MBD2: variants seen among roughly 807,000 people sequenced by gnomAD.
MBD2 encodes methyl-CpG binding domain protein 2, also known as methyl-CpG-binding domain protein 2.
Under a neutral mutation model 39.3 loss-of-function variants are expected in MBD2, and 9 were observed. The observed-to-expected ratio is 0.23, with a 90% CI of 0.14 to 0.40. The LOEUF (loss-of-function observed/expected upper bound fraction) is 0.40, where lower values mean the gene tolerates loss of function less well. Ranked by LOEUF, MBD2 falls within the 10% of genes least tolerant of loss-of-function variation. MBD2 has a pLI of 1.00. For missense variants in MBD2, 458 were observed against 532.6 expected, an observed-to-expected ratio of 0.86 and a Z score of 1.38; for synonymous variants, 233 against 211.1, an observed-to-expected ratio of 1.10 and a Z score of -0.90.
intron 2 of MBD2, among the ~76,000 whole-genome samples, chr18:54,195,941 C>T (rs2086362731): frequency 6.6e-6 from 1 of 152,150 alleles, no homozygotes; most frequent in African/African-American, 2.4e-5. Flanking sequence ...AGGCTATTCT[C>T]AAAAAGTAAT....
intron 1 of MBD2, among the ~76,000 whole-genome samples, chr18:54,215,867 T>G (rs2086555613): frequency 6.6e-6 from 1 of 150,776 alleles, no homozygotes; most frequent in Non-Finnish European, 1.5e-5. Context: ...AATGGTGCAA[T>G]CTCGGCTCAC....
chr18:54,188,896 C>T lies in MBD2; in HGVS notation c.818G>A (p.Arg273Gln). The change falls in exon 3 of 7, where the codon CGA becomes CAA. Residue 273 changes from arginine (R) to glutamine (Q), a missense_variant. Transcript: ENST00000256429. ...PSNKVKSDPQ[R>Q]MNEQPRQLFW... ...TACCTGACGTGGCTGTTCATTCATTCGTTGTGGGTCTGATTTCACTTTATT... is the reference window on the plus strand; with the variant it reads ...TACCTGACGTGGCTGTTCATTCATTTGTTGTGGGTCTGATTTCACTTTATT... The T allele has an allele frequency of 6.2e-7, 1 of 1,606,324 alleles. No individual in the cohort carries two copies. The highest frequency in any genetic ancestry group is 8.5e-7 in the Non-Finnish European group (1 of 1,175,200).
intron 5 of MBD2, among the ~76,000 whole-genome samples, chr18:54,160,650 T>TAA (rs574101659): frequency 1.5e-4 from 11 of 74,522 alleles, no homozygotes; most frequent in Middle Eastern, 7.9e-3. Context: ...CTTTAAAAAG[T>TAA]AAAAAAAAAA....
chr18:54,199,339 G>A (rs2086388927), intron 2 of MBD2, among the ~76,000 whole-genome samples: 1 of 152,066 alleles, frequency 6.6e-6, no homozygotes, highest in African/African-American at 2.4e-5. Flanking sequence ...TGTTTTCCAG[G>A]TTGTTGTAAC....
At chr18:54,216,554 T>C (rs1369448331) in intron 1 of MBD2, among the ~76,000 whole-genome samples, 2 of 152,184 alleles carry the variant, frequency 1.3e-5, no homozygotes, top group Admixed American at 6.5e-5. Flanking sequence ...CAACTATTTC[T>C]TAAAGCAAAT....
chr18:54,212,098 T>C (rs1039560982), intron 1 of MBD2, among the ~76,000 whole-genome samples: 11 of 152,192 alleles, frequency 7.2e-5, no homozygotes, highest in African/African-American at 2.7e-4. Context: ...TCAACCCTAC[T>C]TTCCACTCTT....
Position 54,224,627 on chromosome 18 carries a change from C to A in MBD2, c.-68G>T. On this transcript the variant is annotated 5_prime_UTR_variant, in exon 1 of 7. Coordinates refer to ENST00000256429, the MANE Select transcript of MBD2 (RefSeq NM_003927.5). The stretch of plus-strand genomic sequence containing the variant: ...AGCCCTTGGAATCCCGGAGACCCGC[C>A]CCGCCCGCAGCGCGGCGCGCGGGGG... 8.8e-7 allele frequency: 1 copy of A among 1,138,882 alleles called. No homozygotes were observed. Among genetic ancestry groups the A allele is most frequent in the Non-Finnish European group, 1.1e-6 (1 of 903,982 alleles). The allele number at this position is 1,138,882 out of a possible 1,614,324, so 70.5% of individuals were successfully genotyped here. A position where few individuals can be genotyped will look rare whatever the true frequency, so the allele number is the denominator to read the frequency against.
At chr18:54,161,458 A>T (rs531804528) in intron 5 of MBD2, among the ~76,000 whole-genome samples, 59 of 152,344 alleles carry the variant, frequency 3.9e-4, no homozygotes, top group African/African-American at 1.3e-3. Context: ...CCTCTGGGTC[A>T]GTGACTCAAA....
intron 3 of MBD2, among the ~76,000 whole-genome samples, chr18:54,166,396 T>C (rs1007008608): frequency 6.6e-6 from 1 of 152,236 alleles, no homozygotes; most frequent in Non-Finnish European, 1.5e-5. Context: ...TATTCACTTG[T>C]TACAATACTA....
chr18:54,156,866 A>G (rs1049019958), intron 6 of MBD2, among the ~76,000 whole-genome samples: 1 of 151,344 alleles, frequency 6.6e-6, no homozygotes, highest in East Asian at 1.9e-4. Flanking sequence ...AAATAATAAT[A>G]AAAAAAAAGG....
rs553980268 is a variant in MBD2, at chr18:54,205,053, C to G, written c.647G>C (p.Ser216Thr). Residue 216 changes from serine (S) to threonine (T), a missense_variant, in exon 2 of 7, where the codon AGT becomes ACT. Transcript: ENST00000256429. ...FDFRTGKMMPSKLQKNKQRLR... is the reference protein window; with the variant it reads ...FDFRTGKMMPTKLQKNKQRLR... ...TCTCTGTTTGTTCTTCTGTAATTTACTAGGCATCATCTTTCCAGTTCTGAA... is the reference window on the plus strand; with the variant it reads ...TCTCTGTTTGTTCTTCTGTAATTTAGTAGGCATCATCTTTCCAGTTCTGAA... The G allele has an allele frequency of 1.2e-6, 2 of 1,613,910 alleles. No individual in the cohort carries two copies. The highest frequency in any genetic ancestry group is 2.2e-5 in the East Asian group (1 of 44,870).
chr18:54,174,406 T>G (rs115051213), intron 3 of MBD2, among the ~76,000 whole-genome samples: 1 of 152,220 alleles, frequency 6.6e-6, no homozygotes, highest in African/African-American at 2.4e-5. Context: ...GCACCATCAC[T>G]GCAAGCTCCT....
At chr18:54,175,162 C>T (rs931107659) in intron 3 of MBD2, among the ~76,000 whole-genome samples, 2 of 152,200 alleles carry the variant, frequency 1.3e-5, no homozygotes, top group Non-Finnish European at 2.9e-5. Flanking sequence ...ACAAAGTGAA[C>T]TGACCAGAGG....
intron 2 of MBD2, among the ~76,000 whole-genome samples, chr18:54,196,514 T>G (rs751752744): frequency 3.2e-4 from 48 of 152,208 alleles, no homozygotes; most frequent in Middle Eastern, 3.2e-3. Context: ...TCTCCTTTAC[T>G]TCTCAGTTGG....
At chr18:54,170,250 GCT>G (rs2086170781) in intron 3 of MBD2, among the ~76,000 whole-genome samples, 1 of 152,156 alleles carries the variant, frequency 6.6e-6, no homozygotes, top group Non-Finnish European at 1.5e-5. Flanking sequence ...TACAAAAACT[GCT>G]TCTTTAGTGA....
chr18:54,205,032 T>C lies in MBD2; in HGVS notation c.668A>G (p.Gln223Arg), dbSNP rs2086438159. 6.2e-7 allele frequency: 1 copy of C among 1,613,956 alleles called. No homozygotes were observed. Among genetic ancestry groups the C allele is most frequent in the Non-Finnish European group, 8.5e-7 (1 of 1,179,908 alleles). The change falls in exon 2 of 7, where the codon CAG becomes CGG. Residue 223 changes from glutamine (Q) to arginine (R), a missense_variant. By Grantham distance (43) the Gln-to-Arg change is conservative (BLOSUM62 1). Around this residue, in one of 2 missense-constraint regions of MBD2, gnomAD observed 189 missense variants for 296.6 expected, o/e 0.64. Coordinates refer to ENST00000256429, the MANE Select transcript of MBD2 (RefSeq NM_003927.5). ...ATTGAGAGGATCGTTTCGCAGTCTC[T>C]GTTTGTTCTTCTGTAATTTACTAGG... Reference protein sequence around the residue: ...MMPSKLQKNKQRLRNDPLNQN... With the variant: ...MMPSKLQKNKRRLRNDPLNQN...
chr18:54,206,720 G>T (rs1248527629), intron 1 of MBD2, among the ~76,000 whole-genome samples: 2 of 151,526 alleles, frequency 1.3e-5, no homozygotes, highest in Non-Finnish European at 2.9e-5. Context: ...ACAATTCAAG[G>T]TATAGAGTTC....
At chr18:54,158,175 T>G (rs961472824) in intron 6 of MBD2, among the ~76,000 whole-genome samples, 53 of 152,092 alleles carry the variant, frequency 3.5e-4, no homozygotes, top group African/African-American at 1.1e-3. Flanking sequence ...GTGACTAGGT[T>G]CACCACCCAC....
intron 3 of MBD2, among the ~76,000 whole-genome samples, chr18:54,173,858 AT>A (rs2086193974): frequency 6.6e-6 from 1 of 152,208 alleles, no homozygotes; most frequent in Non-Finnish European, 1.5e-5. Flanking sequence ...AGTGGAGAGC[AT>A]GGATAGCTTT....
Sources: gnomAD v4.1 joint callset for allele counts (sites outside exome capture counted in the v4.1 genomes callset) on GRCh38, gnomAD v4.1.1 for gene constraint, gnomAD v4.1.1 regional missense constraint, MANE v1.5 for transcripts, NCBI Gene and HGNC (gene_info 2026-07-23, HGNC 2026-07-21) for gene names.